STAU2: variants seen among roughly 807,000 people sequenced by gnomAD.
STAU2 encodes the protein staufen double-stranded RNA binding protein 2, also known as double-stranded RNA-binding protein Staufen homolog 2.
A neutral mutation model predicts 65.9 loss-of-function variants in STAU2; 20 were observed. That is an observed-to-expected ratio of 0.30 (90% CI 0.21 to 0.44). The LOEUF (loss-of-function observed/expected upper bound fraction) is 0.44, where lower values mean the gene tolerates loss of function less well. STAU2 is among the 20% of genes least tolerant of loss of function. The pLI is 1.00. For missense variants in STAU2, 558 were observed against 683.9 expected (o/e 0.82, Z 2.05); for synonymous variants, 232 against 233.9 (o/e 0.99, Z 0.07).
chr8:73,583,135 T>C (rs2128962826), intron 11 of STAU2, among the ~76,000 whole-genome samples: 1 of 150,656 alleles, frequency 6.6e-6, no homozygotes, highest in Middle Eastern at 3.4e-3. Context: ...AGCTAGGTGG[T>C]GAAAAAAATA....
intron 13 of STAU2, among the ~76,000 whole-genome samples, chr8:73,482,644 C>G (rs1233033061): frequency 1.3e-5 from 2 of 152,010 alleles, no homozygotes; most frequent in Admixed American, 1.3e-4. Flanking sequence ...TAACAGAAGT[C>G]TTTTATTTGG....
chr8:73,434,517 G>A (rs1817554887), intron 13 of STAU2, among the ~76,000 whole-genome samples: 1 of 151,876 alleles, frequency 6.6e-6, no homozygotes, highest in African/African-American at 2.4e-5. Flanking sequence ...GTTAGACTTG[G>A]ATTAAAACTC....
At chr8:73,661,962 TG>T (rs1210051332) in intron 6 of STAU2, among the ~76,000 whole-genome samples, 1 of 152,222 alleles carries the variant, frequency 6.6e-6, no homozygotes, top group Non-Finnish European at 1.5e-5. Flanking sequence ...ATGGAATTGC[TG>T]GGTGGTAAGA....
chr8:73,462,609 G>A (rs565765546), intron 13 of STAU2, among the ~76,000 whole-genome samples: 1 of 151,532 alleles, frequency 6.6e-6, no homozygotes, highest in African/African-American at 2.4e-5. Context: ...TGTTGCCCAG[G>A]ATGGTCTTGA....
chr8:73,710,002 C>A (rs1029087120), intron 3 of STAU2, among the ~76,000 whole-genome samples: 3 of 151,998 alleles, frequency 2.0e-5, no homozygotes, highest in Admixed American at 1.3e-4. Context: ...ATTTCTTTTA[C>A]AATATTGCAC....
intron 9 of STAU2, among the ~76,000 whole-genome samples, chr8:73,607,297 G>A (rs558155811): frequency 6.6e-6 from 1 of 152,284 alleles, no homozygotes; most frequent in African/African-American, 2.4e-5. Flanking sequence ...TGGAAGAAGA[G>A]CATACAGAGA....
chr8:73,738,508 T>C (rs1394929590), intron 2 of STAU2, among the ~76,000 whole-genome samples, 159 bp from the exon 3 acceptor site: 3 of 152,228 alleles, frequency 2.0e-5, no homozygotes, highest in Non-Finnish European at 4.4e-5. Flanking sequence ...GTACTTGCAC[T>C]GTCCAATCTG....
chr8:73,597,512 A>T (rs930834063), intron 10 of STAU2, among the ~76,000 whole-genome samples: 159 of 150,910 alleles, frequency 1.1e-3, no homozygotes, highest in African/African-American at 3.1e-3. Context: ...AATAAAAAAA[A>T]AAAAAAAATT....
chr8:73,426,562 T>C (rs1816838461), intron 13 of STAU2, among the ~76,000 whole-genome samples: 1 of 152,160 alleles, frequency 6.6e-6, no homozygotes, highest in Non-Finnish European at 1.5e-5. Flanking sequence ...GAACAAGTGG[T>C]GTTTAACTTT....
intron 13 of STAU2, among the ~76,000 whole-genome samples, chr8:73,517,408 G>C (rs1419931078): frequency 6.6e-6 from 1 of 150,924 alleles, no homozygotes; most frequent in Non-Finnish European, 1.5e-5. Context: ...CTGGGCAACA[G>C]AGTGAGTTCT....
At chr8:73,641,834 T>G (rs763559720) in intron 6 of STAU2, among the ~76,000 whole-genome samples, 5 of 152,214 alleles carry the variant, frequency 3.3e-5, no homozygotes, top group Non-Finnish European at 7.4e-5. Flanking sequence ...AAACATCCCT[T>G]TGGGTTCTAA....
intron 13 of STAU2, among the ~76,000 whole-genome samples, chr8:73,451,450 G>A (rs1818795837): frequency 6.6e-6 from 1 of 152,002 alleles, no homozygotes; most frequent in Non-Finnish European, 1.5e-5. Flanking sequence ...AAAAGCGGCT[G>A]GGTATAAAGA....
chr8:73,436,735 C>T lies in STAU2; in HGVS notation c.1531-14033G>A, dbSNP rs185138032. 7.6e-3 allele frequency among the ~76,000 whole-genome samples: 1,149 copies of T among 152,048 alleles called. 6 individuals carry two copies. The highest frequency in any genetic ancestry group is 9.4e-3 in the Non-Finnish European group (639 of 67,978). Reference sequence around the variant, plus strand: ...CCAAGTAACTGAGATTACAGGCATGCACCACCACACCCAGCTGATTTTTGT... The same window carrying T: ...CCAAGTAACTGAGATTACAGGCATGTACCACCACACCCAGCTGATTTTTGT... On this transcript the variant is annotated intron_variant, in intron 13 of 14. Coordinates refer to ENST00000524300, the MANE Select transcript of STAU2 (RefSeq NM_001164380.2).
At chr8:73,746,069 C>A (rs1329042133) in intron 1 of STAU2, among the ~76,000 whole-genome samples, 19 of 152,154 alleles carry the variant, frequency 1.2e-4, no homozygotes, top group Admixed American at 1.2e-3. Flanking sequence ...CCAACTACCC[C>A]TTTAAGCCGA....
At chr8:73,664,416 T>C (rs1817078789) in intron 6 of STAU2, among the ~76,000 whole-genome samples, 1 of 152,186 alleles carries the variant, frequency 6.6e-6, no homozygotes, top group African/African-American at 2.4e-5. Flanking sequence ...TAAAGCATAA[T>C]GTTATCTGGA....
chr8:73,725,706 TGAATCACTTGAGTCCAG>T (rs1474309622), intron 3 of STAU2, among the ~76,000 whole-genome samples: 1 of 152,024 alleles, frequency 6.6e-6, no homozygotes, highest in African/African-American at 2.4e-5. Flanking sequence ...CCGAGGCAGG[TGAATCACTTGAGTCCAG>T]GAGTTGGGAG....
At chr8:73,585,356 G>A (rs182652354) in intron 11 of STAU2, among the ~76,000 whole-genome samples, 11 of 152,238 alleles carry the variant, frequency 7.2e-5, no homozygotes, top group South Asian at 4.1e-4. Flanking sequence ...GGCCCATGCC[G>A]GTAATCCCAG....
chr8:73,562,001 A>C (rs753089889), intron 12 of STAU2, among the ~76,000 whole-genome samples: 2 of 152,236 alleles, frequency 1.3e-5, no homozygotes, highest in Non-Finnish European at 2.9e-5. Context: ...ACTACCTTTC[A>C]GTAGTAAAAC....
chr8:73,564,746 G>A (rs995985987), intron 12 of STAU2, among the ~76,000 whole-genome samples: 1 of 152,090 alleles, frequency 6.6e-6, no homozygotes, highest in African/African-American at 2.4e-5. Flanking sequence ...TAATATTGAT[G>A]AGAAAAAAAA....
Sources: allele counts gnomAD v4.1 joint callset (sites outside exome capture counted in the v4.1 genomes callset), GRCh38; gene constraint gnomAD v4.1.1; transcripts MANE v1.5; gene names NCBI Gene and HGNC (gene_info 2026-07-23, HGNC 2026-07-21).